Variants in RNF135 observed in about 807,000 individuals in gnomAD.
RNF135 encodes the protein ring finger protein 135, also known as E3 ubiquitin-protein ligase RNF135.
In RNF135, 46 loss-of-function variants were observed where a neutral mutation model predicts 41.9. That is an observed-to-expected ratio of 1.10 (90% CI 0.87 to 1.40). The LOEUF is 1.40. Among genes scored for constraint, RNF135 ranks in the 40% most tolerant of loss-of-function variants. RNF135 has a pLI of 0.00. For missense variants in RNF135, 539 were observed against 549.8 expected (o/e 0.98, Z 0.20); for synonymous variants, 238 against 223.8 (o/e 1.06, Z -0.57).
chr17:30,981,780 A>G, intron 1 of RNF135, among the ~76,000 whole-genome samples: 1 of 152,236 alleles, frequency 6.6e-6, no homozygotes, highest in East Asian at 1.9e-4. Flanking sequence ...AAGCCCAGTA[A>G]AGCTGTGACT....
At chr17:30,971,574 G>A in intron 1 of RNF135, 129 bp downstream of exon 1, 1 of 1,362,168 alleles carries the variant, frequency 7.3e-7, no homozygotes, top group Non-Finnish European at 9.4e-7. Flanking sequence ...TCTAAAAGTC[G>A]AGTTCCGCTC....
At chr17:30,989,942 C>T (rs1907867704) in intron 3 of RNF135, among the ~76,000 whole-genome samples, 1 of 146,754 alleles carries the variant, frequency 6.8e-6, no homozygotes, top group South Asian at 2.1e-4. Flanking sequence ...AGAGGTTGCA[C>T]CATTGCACTC....
In RNF135 at chr17:30,997,319, C is replaced by G; in HGVS notation, c.757C>G (p.Arg253Gly). The change falls in exon 4 of 5, where the codon CGG (arginine) becomes GGG (glycine). Residue 253 changes from arginine (R) to glycine (G), a missense_variant. Coordinates refer to ENST00000328381, the MANE Select transcript of RNF135 (RefSeq NM_032322.4). ...CCACCCTGCACTCAGGAGAGCTTCTCGGTTTGCTCAGTGTAAGTATGTGGT... is the reference window on the plus strand; with the variant it reads ...CCACCCTGCACTCAGGAGAGCTTCTGGGTTTGCTCAGTGTAAGTATGTGGT... ...QSHPALRRAS[R>G]FAQWAIHPTF... 1.2e-6 allele frequency: 2 copies of G among 1,613,962 alleles called. No individual in the cohort carries two copies. The highest frequency in any genetic ancestry group is 1.7e-6 in the Non-Finnish European group (2 of 1,179,856).
At chr17:30,976,895 C>T (rs1390596625) in intron 1 of RNF135, among the ~76,000 whole-genome samples, 1 of 152,080 alleles carries the variant, frequency 6.6e-6, no homozygotes. Context: ...TCCAGTCAAC[C>T]ACTCTGTGTC....
chr17:30,998,509 C>G (rs763949846), intron 4 of RNF135, among the ~76,000 whole-genome samples, 153 bp from the exon 5 acceptor site: 1 of 152,162 alleles, frequency 6.6e-6, no homozygotes, highest in Admixed American at 6.6e-5. Context: ...AAACATTTAT[C>G]ATTTCTTCCT....
At chr17:30,971,622 A>T (rs976167571) in intron 1 of RNF135, 177 bp downstream of exon 1, 10 of 1,354,190 alleles carry the variant, frequency 7.4e-6, no homozygotes, top group Non-Finnish European at 9.4e-6. Flanking sequence ...AAGTATGAAG[A>T]AGTAGAAAAA....
upstream of RNF135, among the ~76,000 whole-genome samples, chr17:30,966,782 G>A (rs990778432): frequency 6.6e-6 from 1 of 151,840 alleles, no homozygotes; most frequent in African/African-American, 2.4e-5. Context: ...TGGGATTACA[G>A]GTGTGAGCCA....
chr17:30,990,891 A>T (rs1438522998), intron 3 of RNF135, among the ~76,000 whole-genome samples: 2 of 151,940 alleles, frequency 1.3e-5, no homozygotes, highest in African/African-American at 4.8e-5. Flanking sequence ...ACATTTATTT[A>T]CTCCATCCTC....
chr17:30,975,461 A>G, intron 1 of RNF135: 1 of 776,338 alleles, frequency 1.3e-6, no homozygotes, highest in East Asian at 2.4e-5. Flanking sequence ...GTTCACTGAG[A>G]AGCAACTGGA....
chr17:30,988,226 G>C, intron 3 of RNF135, 120 bp downstream of exon 3: 1 of 985,988 alleles, frequency 1.0e-6, no homozygotes, highest in South Asian at 1.4e-5. Context: ...TTACCACTGT[G>C]GTGTCGTGAA....
chr17:30,961,645 G>A, the RNF135 span, among the ~76,000 whole-genome samples: 1 of 152,006 alleles, frequency 6.6e-6, no homozygotes, highest in African/African-American at 2.4e-5. Context: ...GTATTTTTCT[G>A]TAGAGATGGG....
chr17:30,996,161 C>T (rs143520976), intron 3 of RNF135, among the ~76,000 whole-genome samples: 3,240 of 145,942 alleles, frequency 0.022, 46 homozygotes, highest in Middle Eastern at 0.047. Flanking sequence ...GCGATCTCGG[C>T]TGACTGCAAA....
chr17:30,971,549 C>A (rs1905949486), intron 1 of RNF135, 104 bp downstream of exon 1: 1 of 1,377,444 alleles, frequency 7.3e-7, no homozygotes, highest in African/African-American at 1.5e-5. Context: ...TCTACTTTTA[C>A]GTTCCTTTTC....
chr17:30,975,550 A>G, intron 1 of RNF135: 1 of 782,606 alleles, frequency 1.3e-6, no homozygotes, highest in South Asian at 1.3e-5. Context: ...AAATAGACAT[A>G]CACCCAACAA....
intron 3 of RNF135, chr17:30,993,880 T>C (rs1157343076): frequency 2.9e-6 from 2 of 685,534 alleles, no homozygotes; most frequent in African/African-American, 1.8e-5. Context: ...GCACAATCAC[T>C]GCAGCCTCGA....
At chr17:30,967,255 C>T (rs1459777170), upstream of RNF135, among the ~76,000 whole-genome samples, 1 of 152,050 alleles carries the variant, frequency 6.6e-6, no homozygotes, top group East Asian at 1.9e-4. Flanking sequence ...GTTTCAAACT[C>T]CTGACCTCAA....
intron 3 of RNF135, among the ~76,000 whole-genome samples, chr17:30,993,619 T>C (rs1908137519): frequency 2.0e-5 from 3 of 152,106 alleles, no homozygotes; most frequent in African/African-American, 7.2e-5. Flanking sequence ...TGGAGAACCA[T>C]GATTCTTTGG....
rs1296988196 is a variant in RNF135, at chr17:30,971,120, A to C, written c.47A>C (p.Glu16Ala). ...TCCGCCGTTCCCGTGTGGCTGGCCG[A>C]GGACGACCTCGGCTGCATCATCTGC... ...LGSAVPVWLA[E>A]DDLGCIICQG... The change falls in exon 1 of 5, where the codon GAG becomes GCG. Residue 16 changes from glutamate to alanine, a missense_variant. Coordinates refer to ENST00000328381, the MANE Select transcript of RNF135 (RefSeq NM_032322.4). The C allele has an allele frequency of 6.5e-7, 1 of 1,533,736 alleles. No homozygotes were observed. Among genetic ancestry groups the C allele is most frequent in the African/African-American group, 1.4e-5 (1 of 72,934 alleles).
rs544543468 is a variant in RNF135, at chr17:30,986,339, G to C, written c.516+1579G>C. Among the ~76,000 whole-genome samples, 8 of 152,170 alleles carry C rather than the reference G, an allele frequency of 5.3e-5. No homozygotes were observed. In the South Asian group the frequency reaches 8.3e-4, roughly 16 times the overall value. On this transcript the variant is annotated intron_variant, in intron 2 of 4. Transcript: ENST00000328381. ...AGCCTGCCGAGTAGCTGGGACTACA[G>C]GTGTCCGCCACCACTCCTGGCTAAT...
Sources: gnomAD v4.1 joint callset for allele counts (sites outside exome capture counted in the v4.1 genomes callset) on GRCh38, gnomAD v4.1.1 for gene constraint, MANE v1.5 for transcripts, NCBI Gene and HGNC (gene_info 2026-07-23, HGNC 2026-07-21) for gene names.